The following KIF20A variants were observed in gnomAD, a reference collection of about 807,000 sequenced individuals.
The protein encoded by KIF20A is kinesin family member 20A.
Under a neutral mutation model 113.0 loss-of-function variants are expected in KIF20A, and 66 were observed. The observed-to-expected ratio is 0.58, with a 90% confidence interval of 0.48 to 0.72. The LOEUF (loss-of-function observed/expected upper bound fraction) is 0.72, where lower values mean the gene tolerates loss of function less well. Among genes scored for constraint, KIF20A ranks in the 30% least tolerant of loss-of-function variants. The pLI is 0.00. For synonymous variants in KIF20A, 376 were observed against 402.3 expected (o/e 0.93, Z 0.78); for missense variants, 927 against 1,077.6 (o/e 0.86, Z 1.96).
chr5:138,181,513 T>G lies in KIF20A; in HGVS notation c.255+2T>G. On this transcript the variant is annotated splice_donor_variant, in intron 3 of 18. Coordinates refer to ENST00000394894, the MANE Select transcript of KIF20A (RefSeq NM_005733.3). LOFTEE classifies it high-confidence loss of function. ...GAGTTGGAACGACAGGAAGATCAGGTAAGTGTCTGAGAAGGGAGGATTCAA... is the reference window on the plus strand; with the variant it reads ...GAGTTGGAACGACAGGAAGATCAGGGAAGTGTCTGAGAAGGGAGGATTCAA... The G allele has an allele frequency of 6.2e-7, 1 of 1,614,098 alleles. No individual in the cohort carries two copies. Among genetic ancestry groups the G allele is most frequent in the Non-Finnish European group, 8.5e-7 (1 of 1,179,960 alleles).
In KIF20A at chr5:138,186,343, A is replaced by C. The variant is rs1321414102; in HGVS notation, c.2267A>C (p.Gln756Pro). ...CTTCAGAAACTTGGTGAGTCTCTCCAATCAGCAGAGAGAGCTTGTTGCCAC... is the reference window on the plus strand; with the variant it reads ...CTTCAGAAACTTGGTGAGTCTCTCCCATCAGCAGAGAGAGCTTGTTGCCAC... ...TELQKLGESL[Q>P]SAERACCHST... The change falls in exon 18 of 19, where the codon CAA becomes CCA. Residue 756 changes from glutamine (Q) to proline (P), a missense_variant. Gln to Pro is a moderately conservative substitution (Grantham distance 76, BLOSUM62 -1). Transcript: ENST00000394894. 2.5e-6 allele frequency: 4 copies of C among 1,603,246 alleles called. No individual in the cohort carries two copies. The highest frequency in any genetic ancestry group is 3.4e-6 in the Non-Finnish European group (4 of 1,177,672).
chr5:138,185,945 T>C lies in KIF20A; in HGVS notation c.2126-16T>C, dbSNP rs746727794. The C allele has an allele frequency of 1.2e-6, 2 of 1,611,178 alleles. No homozygotes were observed. Among genetic ancestry groups the C allele is most frequent in the Admixed American group, 3.3e-5 (2 of 59,972 alleles). On this transcript the variant is annotated splice_polypyrimidine_tract_variant and intron_variant, in intron 16 of 18. Transcript: ENST00000394894. Reference sequence around the variant, plus strand: ...AAAACCCCACATATTTTAAGTTTCCTGTTTCCTTCCCTCAGAGTTGCATAA... The same window carrying C: ...AAAACCCCACATATTTTAAGTTTCCCGTTTCCTTCCCTCAGAGTTGCATAA...
chr5:138,187,676 C>A lies in KIF20A; in HGVS notation c.*263C>A, dbSNP rs185083015. The A allele has an allele frequency of 1.5e-4, 45 of 304,718 alleles. No individual in the cohort carries two copies. The highest frequency in any genetic ancestry group is 9.3e-4 in the African/African-American group (43 of 46,104). 18.9% of individuals were successfully genotyped at this position (304,718 alleles called of 1,614,324 possible). A position where few individuals can be genotyped will look rare whatever the true frequency, so the allele number is the denominator to read the frequency against. ...TATTGTTCACATTTTTTATTGAATT[C>A]CAAATGTAGCAAAATCATTAAAACA... On this transcript the variant is annotated 3_prime_UTR_variant, in exon 19 of 19. Transcript: ENST00000394894.
intron 13 of KIF20A, 32 bp from the exon 14 acceptor site, chr5:138,184,775 C>T (rs1442818567): frequency 6.2e-7 from 1 of 1,613,008 alleles, no homozygotes; most frequent in African/African-American, 1.3e-5. Context: ...GCATGAGCAT[C>T]TGATGACCTC....
chr5:138,187,499 A>C lies in KIF20A; in HGVS notation c.*86A>C. 1 of 1,085,276 alleles carries C rather than the reference A, an allele frequency of 9.2e-7. No homozygotes were observed. Among genetic ancestry groups the C allele is most frequent in the Non-Finnish European group, 1.3e-6 (1 of 759,760 alleles). The allele number at this position is 1,085,276 out of a possible 1,614,324, so 67.2% of individuals were successfully genotyped here. On this transcript the variant is annotated 3_prime_UTR_variant, in exon 19 of 19. Coordinates refer to ENST00000394894, the MANE Select transcript of KIF20A (RefSeq NM_005733.3). ...AAATAGGTCTCTTTTATGCTTTACCATATATCAGGAATTATATCCAGGATG... is the reference window on the plus strand; with the variant it reads ...AAATAGGTCTCTTTTATGCTTTACCCTATATCAGGAATTATATCCAGGATG...
Position 138,183,485 on chromosome 5 carries a change from A to G in KIF20A, c.1043A>G (p.His348Arg). Residue 348 changes from histidine (H) to arginine (R), a missense_variant, in exon 9 of 19, where the codon CAT becomes CGT. Physicochemically the swap from His to Arg is conservative, Grantham distance 29 (BLOSUM62 0). Transcript: ENST00000394894. The surrounding 1 kb of genome is among the most constrained non-coding windows in gnomAD (Gnocchi z 5.2). ...NPYVKDLNWI[H>R]VQDAEEAWKL... ...TTGGCCCCAGATCTCAACTGGATTC[A>G]TGTGCAAGATGCTGAGGAGGCCTGG... 6.2e-7 allele frequency: 1 copy of G among 1,614,154 alleles called. No individual in the cohort carries two copies. The highest frequency in any genetic ancestry group is 8.5e-7 in the Non-Finnish European group (1 of 1,180,008).
At chr5:138,184,156 C>A in intron 11 of KIF20A, 51 bp downstream of exon 11, 2 of 1,612,034 alleles carry the variant, frequency 1.2e-6, no homozygotes, top group Non-Finnish European at 1.7e-6. Flanking sequence ...AAGAGACTTC[C>A]TGGACACCAC....
chr5:138,184,913 T>A lies in KIF20A; in HGVS notation c.1790T>A (p.Val597Glu). 1 of 1,614,100 alleles carries A rather than the reference T, an allele frequency of 6.2e-7. No individual in the cohort carries two copies. Among genetic ancestry groups the A allele is most frequent in the Non-Finnish European group, 8.5e-7 (1 of 1,180,002 alleles). The change falls in exon 14 of 19, where the codon GTA (valine) becomes GAA (glutamate). Residue 597 changes from valine to glutamate, a missense_variant. Physicochemically the swap from Val to Glu is moderately radical, Grantham distance 121. Transcript: ENST00000394894. Reference protein sequence around the residue: ...HLRDEICNEMVEQMQQREQWC... With the variant: ...HLRDEICNEMEEQMQQREQWC... Reference sequence around the variant, plus strand: ...CGAGATGAAATTTGCAATGAGATGGTAGAACAGATGCAACAGCGGGAACAG... The same window carrying A: ...CGAGATGAAATTTGCAATGAGATGGAAGAACAGATGCAACAGCGGGAACAG...
In KIF20A at chr5:138,182,934, G is replaced by A; in HGVS notation, c.776G>A (p.Ser259Asn). 4 of 1,614,202 alleles carry A rather than the reference G, an allele frequency of 2.5e-6. No individual in the cohort carries two copies. The highest frequency in any genetic ancestry group is 3.4e-6 in the Non-Finnish European group (4 of 1,180,018). ...SRIGTSTSFD[S>N]GIAGLSSISQ... ...ATAGGTACCAGCACCAGCTTCGACA[G>A]TGGCATTGCTGGGCTCTCTTCTATC... is the stretch of plus-strand genomic sequence containing the variant. The change falls in exon 7 of 19, where the codon AGT (serine) becomes AAT (asparagine). Residue 259 changes from serine to asparagine, a missense_variant. Ser to Asn is a conservative substitution (Grantham distance 46). Transcript: ENST00000394894.
At position 138,183,015 on chromosome 5, in the gene KIF20A, C is replaced by CA. The variant is rs751217694; in HGVS notation, c.832+31dup. On this transcript the variant is annotated intron_variant, in intron 7 of 18. Coordinates refer to ENST00000394894, the MANE Select transcript of KIF20A (RefSeq NM_005733.3). The surrounding 1 kb of genome is among the most constrained non-coding windows in gnomAD (Gnocchi z 5.2). ...GGTATGTACCGTGACTGGGCTCTGC[C>CA]AAAAAATAGTAGGAACTCACTCCCT... 53 of 1,611,400 alleles carry CA rather than the reference C, an allele frequency of 3.3e-5. No individual in the cohort carries two copies. The highest frequency in any genetic ancestry group is 4.5e-5 in the Non-Finnish European group (53 of 1,179,278).
At chr5:138,186,146 T>G (rs1352135513) in intron 17 of KIF20A, 94 bp downstream of exon 17, 2 of 1,503,906 alleles carry the variant, frequency 1.3e-6, no homozygotes, top group Non-Finnish European at 9.2e-7. Flanking sequence ...GACAAGATGT[T>G]TTTTGTGCAC....
Position 138,185,553 on chromosome 5 carries a change from G to A in KIF20A, c.1968G>A (p.Gln656=), listed in dbSNP as rs1322398768. The A allele has an allele frequency of 1.9e-6, 3 of 1,613,996 alleles. No homozygotes were observed. Among genetic ancestry groups the A allele is most frequent in the Admixed American group, 1.7e-5 (1 of 60,032 alleles). ...TTGAAGAGCTAGAAGCTCTCTTGCAGGAAGCCAGACAACAGTCAGTGGCCC... is the reference window on the plus strand; with the variant it reads ...TTGAAGAGCTAGAAGCTCTCTTGCAAGAAGCCAGACAACAGTCAGTGGCCC... The part of the protein sequence containing the change: ...EKIEELEALL[Q]EARQQSVAHQ... Residue 656 remains glutamine, a synonymous_variant, in exon 16 of 19, where the codon CAG becomes CAA. Coordinates refer to ENST00000394894, the MANE Select transcript of KIF20A (RefSeq NM_005733.3).
intron 5 of KIF20A, 46 bp from the exon 6 acceptor site, chr5:138,182,540 G>T: frequency 6.2e-6 from 10 of 1,612,940 alleles, no homozygotes; most frequent in Non-Finnish European, 8.5e-6. Flanking sequence ...TGAGTTAGGG[G>T]GAGAAGGGCA....
intron 15 of KIF20A, 99 bp downstream of exon 15, chr5:138,185,296 A>G: frequency 2.3e-6 from 2 of 873,076 alleles, no homozygotes; most frequent in Non-Finnish European, 3.7e-6. Flanking sequence ...TAAGGGCAGG[A>G]ATATATAACT....
At chr5:138,182,034 T>G in intron 4 of KIF20A, 1 of 565,252 alleles carries the variant, frequency 1.8e-6, no homozygotes, top group African/African-American at 1.9e-5. Context: ...TCTAGATCCA[T>G]GTATCTCCAA....
Position 138,184,094 on chromosome 5 carries a change from C to T in KIF20A, c.1341C>T (p.Asn447=), listed in dbSNP as rs1754704875. 1 of 1,614,176 alleles carries T rather than the reference C, an allele frequency of 6.2e-7. No homozygotes were observed. The change falls in exon 11 of 19, where the codon AAC becomes AAT. Residue 447 remains asparagine (N), a synonymous_variant. Coordinates refer to ENST00000394894, the MANE Select transcript of KIF20A (RefSeq NM_005733.3). ...GCTGTATTGCTGCCCTTCGTCAAAACCAGCAGAACCGGTGAGCTTTTGACT... is the reference window on the plus strand; with the variant it reads ...GCTGTATTGCTGCCCTTCGTCAAAATCAGCAGAACCGGTGAGCTTTTGACT... The part of the protein sequence containing the change: ...LGRCIAALRQ[N]QQNRSKQNLV...
In KIF20A at chr5:138,183,570, C is replaced by T. The variant is rs1360161008; in HGVS notation, c.1128C>T (p.Asn376=). The stretch of plus-strand genomic sequence containing the variant: ...TTGCCAGCACCCACCTCAACCAGAA[C>T]TCCAGCCGCAGGTGAGTAGATTGTA... ...QSFASTHLNQ[N]SSRSHSIFSI... is the part of the protein sequence containing the mutation. Residue 376 remains asparagine, a synonymous_variant, in exon 9 of 19, where the codon AAC becomes AAT. Coordinates refer to ENST00000394894, the MANE Select transcript of KIF20A (RefSeq NM_005733.3). This position sits in a 1 kb window ranked among gnomAD's most constrained non-coding sequence, Gnocchi z 5.2. 6.2e-7 allele frequency: 1 copy of T among 1,614,036 alleles called. No individual in the cohort carries two copies. Among genetic ancestry groups the T allele is most frequent in the Non-Finnish European group, 8.5e-7 (1 of 1,179,964 alleles).
Position 138,187,482 on chromosome 5 carries a change from C to T in KIF20A, c.*69C>T, listed in dbSNP as rs1754765959. 8.1e-7 allele frequency: 1 copy of T among 1,227,314 alleles called. No individual in the cohort carries two copies. Among genetic ancestry groups the T allele is most frequent in the Non-Finnish European group, 1.1e-6 (1 of 876,226 alleles). The allele number at this position is 1,227,314 out of a possible 1,614,324, so 76.0% of individuals were successfully genotyped here. A position where few individuals can be genotyped will look rare whatever the true frequency, so the allele number is the denominator to read the frequency against. On this transcript the variant is annotated 3_prime_UTR_variant, in exon 19 of 19. Transcript: ENST00000394894. ...CAGCTACTCTCCTGAAGAAATAGGTCTCTTTTATGCTTTACCATATATCAG... is the reference window on the plus strand; with the variant it reads ...CAGCTACTCTCCTGAAGAAATAGGTTTCTTTTATGCTTTACCATATATCAG...
chr5:138,181,350 T>G, intron 2 of KIF20A, 72 bp from the exon 3 acceptor site: 2 of 1,215,000 alleles, frequency 1.6e-6, no homozygotes, highest in Admixed American at 1.7e-5. Context: ...TCCTAGAAAC[T>G]ACTGTTTGCC....
Sources: allele counts gnomAD v4.1 joint callset, GRCh38; gene constraint gnomAD v4.1.1; non-coding constraint Gnocchi (gnomAD v3.1); transcripts MANE v1.5; gene names NCBI Gene and HGNC (gene_info 2026-07-23, HGNC 2026-07-21).